The following KMT2A variants were observed in gnomAD, a reference collection of about 807,000 sequenced individuals.
KMT2A encodes lysine methyltransferase 2A, also known as histone-lysine N-methyltransferase 2A.
In KMT2A, 16 loss-of-function variants were observed where a neutral mutation model predicts 345.3. The ratio of observed to expected loss-of-function variants is 0.05; its 90% confidence interval spans 0.03 to 0.07. KMT2A has a LOEUF of 0.07. KMT2A is among the 10% of genes least tolerant of loss of function. The probability of loss-of-function intolerance (pLI) is 1.00; values close to 1 mark genes in which losing one functional copy is unlikely to be tolerated. For synonymous variants in KMT2A, 1,599 were observed against 1,778.6 expected, an observed-to-expected ratio of 0.90 and a Z score of 2.54; for missense variants, 3,272 against 4,841.6, an observed-to-expected ratio of 0.68 and a Z score of 9.62.
chr11:118,442,935 G>C (rs1336497600), intron 1 of KMT2A, among the ~76,000 whole-genome samples: 9 of 152,160 alleles, frequency 5.9e-5, no homozygotes, highest in Admixed American at 3.3e-4. Flanking sequence ...CCTGGACCCA[G>C]ATGGCTTCAT....
intron 23 of KMT2A, 62 bp from the exon 24 acceptor site, chr11:118,499,773 C>A (rs1470726272): frequency 7.9e-7 from 1 of 1,267,334 alleles, no homozygotes; most frequent in Admixed American, 1.7e-5. Context: ...GAGTGAGACT[C>A]TCTCAAAAAA....
chr11:118,518,970 C>G (rs781989219), intron 31 of KMT2A, among the ~76,000 whole-genome samples: 1 of 120,482 alleles, frequency 8.3e-6, no homozygotes, highest in Non-Finnish European at 1.6e-5. Flanking sequence ...CCCAGCTACT[C>G]GGGAGGCTGA....
chr11:118,521,799 C>T lies in KMT2A; in HGVS notation c.11644-98C>T. 2.3e-6 allele frequency: 3 copies of T among 1,293,850 alleles called. No individual in the cohort carries two copies. The highest frequency in any genetic ancestry group is 3.2e-6 in the Non-Finnish European group (3 of 940,500). The allele number at this position is 1,293,850 out of a possible 1,614,324, so 80.1% of individuals were successfully genotyped here. Reference sequence around the variant, plus strand: ...GAAATTTTACTAGAAGAAACTTTCTCAGCCGCTATAGGTAACATCAAGAGA... The same window carrying T: ...GAAATTTTACTAGAAGAAACTTTCTTAGCCGCTATAGGTAACATCAAGAGA... On this transcript the variant is annotated intron_variant, in intron 35 of 35. Coordinates refer to ENST00000534358, the MANE Select transcript of KMT2A (RefSeq NM_001197104.2). The surrounding 1 kb of genome is among the most constrained non-coding windows in gnomAD (Gnocchi z 5.3).
intron 8 of KMT2A, among the ~76,000 whole-genome samples, chr11:118,483,217 A>T (rs1403783820): frequency 7.3e-6 from 1 of 137,396 alleles, no homozygotes; most frequent in Non-Finnish European, 1.6e-5. Context: ...TGGACAACAG[A>T]GCTAGACTCC....
Position 118,482,099 on chromosome 11 carries a change from G to A in KMT2A, c.4012+7G>A, listed in dbSNP as rs781850643. On this transcript the variant is annotated splice_region_variant and intron_variant, in intron 7 of 35. Transcript: ENST00000534358. ...CCTCCACCACCAGAATCAGGTGAGT[G>A]AGGAGGGCAAGAAGGAATTGCTGAA... The A allele has an allele frequency of 2.5e-6, 4 of 1,594,890 alleles. No individual in the cohort carries two copies. The Admixed American group carries it at 5.4e-5, about 22-fold the overall frequency.
Position 118,499,903 on chromosome 11 carries a change from A to G in KMT2A, c.6148A>G (p.Ile2050Val), listed in dbSNP as rs782663689. ...LSDCEDKLFP[I>V]GYQCSRVYWS... Reference sequence around the variant, plus strand: ...CGACTGTGAAGATAAGCTCTTTCCTATTGGATATCAGTAAGTAGCACTATA... The same window carrying G: ...CGACTGTGAAGATAAGCTCTTTCCTGTTGGATATCAGTAAGTAGCACTATA... Residue 2050 changes from isoleucine (I) to valine (V), a missense_variant, in exon 24 of 36, where the codon ATT becomes GTT. Physicochemically the swap from Ile to Val is conservative, Grantham distance 29. This residue lies in a region of KMT2A where 235 missense variants were observed against 503.4 expected (regional missense o/e 0.47). Coordinates refer to ENST00000534358, the MANE Select transcript of KMT2A (RefSeq NM_001197104.2). 9.3e-6 allele frequency: 15 copies of G among 1,606,920 alleles called. No homozygotes were observed. The highest frequency in any genetic ancestry group is 1.7e-5 in the Admixed American group (1 of 60,000).
At chr11:118,471,039 C>T (rs1445413761) in intron 2 of KMT2A, among the ~76,000 whole-genome samples, 2 of 152,214 alleles carry the variant, frequency 1.3e-5, no homozygotes, top group East Asian at 3.8e-4. Flanking sequence ...TGTCACTTCA[C>T]TGATTAGTTC....
chr11:118,475,477 A>T (rs1416681454), intron 3 of KMT2A, among the ~76,000 whole-genome samples: 1 of 152,204 alleles, frequency 6.6e-6, no homozygotes, highest in Non-Finnish European at 1.5e-5. Context: ...TAATCCCAGC[A>T]CTTTGGGAGG....
Position 118,491,781 on chromosome 11 carries a change from T to C in KMT2A, c.4857T>C (p.Ser1619=). 1.2e-6 allele frequency: 2 copies of C among 1,611,704 alleles called. No homozygotes were observed. Among genetic ancestry groups the C allele is most frequent in the South Asian group, 1.1e-5 (1 of 90,640 alleles). Residue 1619 remains serine, a synonymous_variant, in exon 15 of 36, where the codon AGT becomes AGC. Transcript: ENST00000534358. This position sits in a 1 kb window ranked among gnomAD's most constrained non-coding sequence, Gnocchi z 4.2. Reference sequence around the variant, plus strand: ...AGATTCTATCTAATCTGCCAGAAAGTGTGGCCTACACTTGTGTGAACTGTA... The same window carrying C: ...AGATTCTATCTAATCTGCCAGAAAGCGTGGCCTACACTTGTGTGAACTGTA... ...MYEILSNLPE[S]VAYTCVNCTE... is the part of the protein sequence containing the mutation.
At position 118,472,377 on chromosome 11, in the gene KMT2A, T is replaced by C; in HGVS notation, c.1218T>C (p.Ile406=). 1 of 1,614,002 alleles carries C rather than the reference T, an allele frequency of 6.2e-7. No homozygotes were observed. ...AGGTGAAGACACAGGTCAAAAATATTCGACAGTTCATCATGCCTGTTGTCA... is the reference window on the plus strand; with the variant it reads ...AGGTGAAGACACAGGTCAAAAATATCCGACAGTTCATCATGCCTGTTGTCA... ...GRKVKTQVKN[I]RQFIMPVVSA... is the part of the protein sequence containing the mutation. Residue 406 remains isoleucine (I), a synonymous_variant, in exon 3 of 36, where the codon ATT becomes ATC. Coordinates refer to ENST00000534358, the MANE Select transcript of KMT2A (RefSeq NM_001197104.2).
chr11:118,454,924 G>T (rs1227530643), intron 1 of KMT2A, among the ~76,000 whole-genome samples: 1 of 151,494 alleles, frequency 6.6e-6, no homozygotes, highest in Non-Finnish European at 1.5e-5. Flanking sequence ...TCCAGTCTTC[G>T]GTAAACTATT....
chr11:118,477,827 C>T, intron 4 of KMT2A, 140 bp from the exon 5 acceptor site: 1 of 639,024 alleles, frequency 1.6e-6, no homozygotes, highest in Non-Finnish European at 2.6e-6. Context: ...CATTTTTAAA[C>T]ATTTAAATAA....
chr11:118,445,660 A>G (rs1304857367), intron 1 of KMT2A, among the ~76,000 whole-genome samples: 1 of 152,274 alleles, frequency 6.6e-6, no homozygotes, highest in Non-Finnish European at 1.5e-5. Context: ...TCAAAAGCAG[A>G]TTAGAGTTTA....
Position 118,525,534 on chromosome 11 carries a change from C to G in KMT2A, c.*3362C>G, listed in dbSNP as rs1040958666. 12 of 223,988 alleles carry G rather than the reference C, an allele frequency of 5.4e-5. No homozygotes were observed. The highest frequency in any genetic ancestry group is 8.0e-5 in the Non-Finnish European group (9 of 112,454). The allele number at this position is 223,988 out of a possible 1,614,324, so 13.9% of individuals were successfully genotyped here. On this transcript the variant is annotated 3_prime_UTR_variant, in exon 36 of 36. Coordinates refer to ENST00000534358, the MANE Select transcript of KMT2A (RefSeq NM_001197104.2). The stretch of plus-strand genomic sequence containing the variant: ...CCTTTGCCGGGACCCAGCCCGCCAC[C>G]CTGCTCGCCTCCGTCAAACCCCCGG...
chr11:118,444,294 TC>T (rs1555026598), intron 1 of KMT2A, among the ~76,000 whole-genome samples: 3 of 152,226 alleles, frequency 2.0e-5, no homozygotes, highest in Non-Finnish European at 4.4e-5. Context: ...ACAAACATTG[TC>T]CCTAGATTAT....
chr11:118,455,967 G>C lies in KMT2A; in HGVS notation c.433-12808G>C, dbSNP rs527525816. ...GCCTCCCAAAGTGCTAGGATTACAGGCATGAGCCACTGTGCCCAGCCTTGG... is the reference window on the plus strand; with the variant it reads ...GCCTCCCAAAGTGCTAGGATTACAGCCATGAGCCACTGTGCCCAGCCTTGG... On this transcript the variant is annotated intron_variant, in intron 1 of 35. Transcript: ENST00000534358. 2.8e-4 allele frequency among the ~76,000 whole-genome samples: 42 copies of C among 152,132 alleles called. 1 individual carries two copies. Among genetic ancestry groups the C allele is most frequent in the Admixed American group, 2.4e-3 (37 of 15,280 alleles).
rs1221856539 is a variant in KMT2A at position 118,436,619 on chromosome 11, C to T, written c.107C>T (p.Pro36Leu). 3.5e-6 allele frequency: 4 copies of T among 1,157,090 alleles called. No homozygotes were observed. Among genetic ancestry groups the T allele is most frequent in the Non-Finnish European group, 4.3e-6 (4 of 936,208 alleles). 71.7% of individuals were successfully genotyped at this position (1,157,090 alleles called of 1,614,324 possible). The change falls in exon 1 of 36, where the codon CCG (proline) becomes CTG (leucine). Residue 36 changes from proline (P) to leucine (L), a missense_variant. This residue lies in a region of KMT2A where 412 missense variants were observed against 511.0 expected (regional missense o/e 0.81). Transcript: ENST00000534358. The surrounding 1 kb of genome is among the most constrained non-coding windows in gnomAD (Gnocchi z 6.9). ...GLGGAPRQRVPALLLPPGPPV... is the reference protein window; with the variant it reads ...GLGGAPRQRVLALLLPPGPPV... The stretch of plus-strand genomic sequence containing the variant: ...GGGGGCGCCCCGCGGCAACGCGTCC[C>T]GGCCCTGCTGCTTCCCCCCGGGCCC...
At chr11:118,466,511 T>A (rs1949846713) in intron 1 of KMT2A, among the ~76,000 whole-genome samples, 2 of 152,146 alleles carry the variant, frequency 1.3e-5, no homozygotes, top group African/African-American at 4.8e-5. Context: ...TTACTTAAAA[T>A]TTTTTTAAAG....
intron 1 of KMT2A, among the ~76,000 whole-genome samples, chr11:118,451,252 C>G (rs2134199190): frequency 6.7e-6 from 1 of 150,142 alleles, no homozygotes; most frequent in South Asian, 2.1e-4. Context: ...TGCTCTTCCA[C>G]CCAGGCTGGG....
Sources: gnomAD v4.1 joint callset for allele counts (sites outside exome capture counted in the v4.1 genomes callset) on GRCh38, gnomAD v4.1.1 for gene constraint, gnomAD v4.1.1 regional missense constraint, Gnocchi (gnomAD v3.1) non-coding constraint, MANE v1.5 for transcripts, NCBI Gene and HGNC (gene_info 2026-07-23, HGNC 2026-07-21) for gene names.